The following EDRF1 variants were observed in gnomAD, a reference collection of about 807,000 sequenced individuals.
EDRF1 encodes erythroid differentiation regulatory factor 1.
EDRF1 carries 69 observed loss-of-function variants against 148.7 expected under a neutral mutation model. The observed-to-expected ratio is 0.46, with a 90% CI of 0.38 to 0.57. The LOEUF (loss-of-function observed/expected upper bound fraction) is 0.57, where lower values mean the gene tolerates loss of function less well. Among genes scored for constraint, EDRF1 ranks in the 20% least tolerant of loss-of-function variants. EDRF1 has a pLI of 0.00. For synonymous variants in EDRF1, 515 were observed against 532.8 expected, an observed-to-expected ratio of 0.97 and a Z score of 0.46; for missense variants, 1,118 against 1,478.7, an observed-to-expected ratio of 0.76 and a Z score of 4.00.
In EDRF1 at chr10:125,755,302, T is replaced by C. The variant is rs531252109; in HGVS notation, c.3545+1457T>C. On this transcript the variant is annotated intron_variant, in intron 24 of 24. Coordinates refer to ENST00000356792, the MANE Select transcript of EDRF1 (RefSeq NM_001202438.2). ...TTTAGCCTTGTTTAGTGGATTACGT[T>C]GATTCTTCAGATGTTAAACCAGCTT... 2.6e-4 allele frequency among the ~76,000 whole-genome samples: 40 copies of C among 152,376 alleles called. 1 individual carries two copies. In the South Asian group the frequency reaches 4.1e-3, roughly 16 times the overall value.
At chr10:125,729,333 T>A in intron 7 of EDRF1, 25 bp from the exon 8 acceptor site, 1 of 1,610,626 alleles carries the variant, frequency 6.2e-7, no homozygotes, top group Non-Finnish European at 8.5e-7. Flanking sequence ...CTGTTTATTA[T>A]AATCCTCCCT....
chr10:125,740,213 A>G (rs568148113), intron 15 of EDRF1, among the ~76,000 whole-genome samples: 2 of 152,302 alleles, frequency 1.3e-5, no homozygotes, highest in Admixed American at 6.5e-5. Flanking sequence ...GAGGTTAGCT[A>G]TGTCAGTGAC....
intron 2 of EDRF1, among the ~76,000 whole-genome samples, chr10:125,721,856 T>C (rs557105707): frequency 6.6e-6 from 1 of 152,358 alleles, no homozygotes; most frequent in South Asian, 2.1e-4. Flanking sequence ...TTGGGTGACC[T>C]ACACCTTGAC....
At position 125,753,982 on chromosome 10, in the gene EDRF1, A is replaced by G. The variant is rs1849767275; in HGVS notation, c.3545+137A>G. On this transcript the variant is annotated intron_variant, in intron 24 of 24. Coordinates refer to ENST00000356792, the MANE Select transcript of EDRF1 (RefSeq NM_001202438.2). ...TGCAATCCCAGCACTTTGGGAGGCC[A>G]AGGCAGGCAGATCACTTGAGTTCAG... 3.4e-6 allele frequency: 3 copies of G among 892,558 alleles called. No homozygotes were observed. In the East Asian group the frequency reaches 8.0e-5, roughly 24 times the overall value. The allele number at this position is 892,558 out of a possible 1,614,324, so 55.3% of individuals were successfully genotyped here. A position where few individuals can be genotyped will look rare whatever the true frequency, so the allele number is the denominator to read the frequency against.
chr10:125,725,446 CTTGGCTACTTA>C lies in EDRF1; in HGVS notation c.635+7_635+17del, dbSNP rs1848211865. The C allele has an allele frequency of 6.2e-7, 1 of 1,613,732 alleles. No homozygotes were observed. The highest frequency in any genetic ancestry group is 1.3e-5 in the African/African-American group (1 of 74,884). On this transcript the variant is annotated splice_donor_5th_base_variant and intron_variant, in intron 5 of 24. Transcript: ENST00000356792. Reference sequence around the variant, plus strand: ...TTTCCAAGTTTTTATATTACAGGTACTTGGCTACTTATTTATCTCTAAAGAGAAAAAGGGAA... The same window carrying C: ...TTTCCAAGTTTTTATATTACAGGTACTTTATCTCTAAAGAGAAAAAGGGAA...
chr10:125,751,310 G>C (rs1849622329), intron 22 of EDRF1, among the ~76,000 whole-genome samples: 1 of 152,110 alleles, frequency 6.6e-6, no homozygotes, highest in Non-Finnish European at 1.5e-5. Context: ...AAATATTTTA[G>C]AGGGTTTTGT....
intron 24 of EDRF1, among the ~76,000 whole-genome samples, chr10:125,754,231 GGAAA>G (rs889178905): frequency 1.5e-4 from 22 of 147,214 alleles, no homozygotes; most frequent in African/African-American, 5.1e-4. Flanking sequence ...AAAAAAAAAA[GGAAA>G]GAAAGAAAAA....
intron 8 of EDRF1, 119 bp downstream of exon 8, chr10:125,729,598 G>A (rs993971961): frequency 1.2e-5 from 15 of 1,284,852 alleles, no homozygotes; most frequent in Non-Finnish European, 1.6e-5. Context: ...CTCCAGCCTA[G>A]GCGAAAGAGC....
intron 18 of EDRF1, 119 bp downstream of exon 18, chr10:125,743,395 T>A: frequency 1.3e-6 from 1 of 768,370 alleles, no homozygotes; most frequent in Non-Finnish European, 2.2e-6. Context: ...GGTGCTCTAT[T>A]AGAGAACCTC....
chr10:125,742,510 C>G (rs1408517010), intron 17 of EDRF1: 4 of 985,348 alleles, frequency 4.1e-6, no homozygotes, highest in Non-Finnish European at 4.8e-6. Context: ...GCCCTTTCTT[C>G]CCCTCTCTCC....
chr10:125,729,210 G>T, intron 7 of EDRF1, 106 bp downstream of exon 7: 5 of 1,448,038 alleles, frequency 3.5e-6, no homozygotes. Context: ...ACTTGATCCT[G>T]AAACTGCTTT....
intron 1 of EDRF1, among the ~76,000 whole-genome samples, chr10:125,720,171 G>A (rs1847914831): frequency 6.6e-6 from 1 of 152,212 alleles, no homozygotes; most frequent in African/African-American, 2.4e-5. Flanking sequence ...TCCAAAACGT[G>A]GCACAGTCGT....
chr10:125,733,452 A>C lies in EDRF1; in HGVS notation c.1177A>C (p.Asn393His). The C allele has an allele frequency of 1.3e-6, 2 of 1,592,806 alleles. No individual in the cohort carries two copies. The highest frequency in any genetic ancestry group is 1.7e-6 in the Non-Finnish European group (2 of 1,162,710). ...AGAAATTCCCAATTTGGAAAATTCT[A>C]ATTTTTCTACTAAAGTCATAAAAGA... is the stretch of plus-strand genomic sequence containing the variant. The part of the protein sequence containing the change: ...TEEIPNLENS[N>H]FSTKVIKDIA... The change falls in exon 10 of 25, where the codon AAT (asparagine) becomes CAT (histidine). Residue 393 changes from asparagine to histidine, a missense_variant. Physicochemically the swap from Asn to His is moderately conservative, Grantham distance 68. Coordinates refer to ENST00000356792, the MANE Select transcript of EDRF1 (RefSeq NM_001202438.2).
At position 125,731,225 on chromosome 10, in the gene EDRF1, G is replaced by A. The variant is rs183475665; in HGVS notation, c.1128+826G>A. On this transcript the variant is annotated intron_variant, in intron 9 of 24. Coordinates refer to ENST00000356792, the MANE Select transcript of EDRF1 (RefSeq NM_001202438.2). ...AAAGAATAAGCTTGGTTGTTATTCA[G>A]AAAGAGATAATCTAATGGGAAATAA... is the stretch of plus-strand genomic sequence containing the variant. Among the ~76,000 whole-genome samples, 290 of 152,288 alleles carry A rather than the reference G, an allele frequency of 1.9e-3. 1 individual carries two copies. The highest frequency in any genetic ancestry group is 7.2e-3 in the Admixed American group (110 of 15,286).
chr10:125,741,008 T>C lies in EDRF1; in HGVS notation c.2178T>C (p.Tyr726=), dbSNP rs1337432164. 1.2e-6 allele frequency: 2 copies of C among 1,614,080 alleles called. No individual in the cohort carries two copies. The highest frequency in any genetic ancestry group is 1.7e-6 in the Non-Finnish European group (2 of 1,180,046). The change falls in exon 17 of 25, where the codon TAT becomes TAC. Residue 726 remains tyrosine, a synonymous_variant. Transcript: ENST00000356792. The stretch of plus-strand genomic sequence containing the variant: ...CCCTCCCTTTCTAAACAGATACTTA[T>C]TGCTGCCTCTGCACCAATATGCTTT... ...IKLALQSHDT[Y]CCLCTNMLSE...
chr10:125,750,226 C>T (rs1849571353), intron 22 of EDRF1, among the ~76,000 whole-genome samples: 1 of 152,064 alleles, frequency 6.6e-6, no homozygotes, highest in South Asian at 2.1e-4. Context: ...AGTAGTGGAC[C>T]TTATTGAACC....
chr10:125,732,486 C>T (rs1487593947), intron 9 of EDRF1, among the ~76,000 whole-genome samples: 1 of 152,070 alleles, frequency 6.6e-6, no homozygotes, highest in African/African-American at 2.4e-5. Context: ...CATCATCTGC[C>T]TAGATACTGT....
chr10:125,748,483 T>C (rs915154826), intron 21 of EDRF1: 1 of 200,514 alleles, frequency 5.0e-6, no homozygotes, highest in Non-Finnish European at 1.0e-5. Context: ...GAGAATAATC[T>C]GAGGCCGAGG....
intron 24 of EDRF1, among the ~76,000 whole-genome samples, chr10:125,754,215 CAA>C (rs60189890): frequency 1.6e-4 from 15 of 93,334 alleles, no homozygotes; most frequent in Non-Finnish European, 1.9e-4. Flanking sequence ...GACACCATCT[CAA>C]AAAAAAAAAA....
Sources: gnomAD v4.1 joint callset for allele counts (sites outside exome capture counted in the v4.1 genomes callset) on GRCh38, gnomAD v4.1.1 for gene constraint, MANE v1.5 for transcripts, NCBI Gene and HGNC (gene_info 2026-07-23, HGNC 2026-07-21) for gene names.